CSE1L: variants seen among roughly 807,000 people sequenced by gnomAD.
The protein encoded by CSE1L is exportin-2.
A neutral mutation model predicts 120.4 loss-of-function variants in CSE1L; 24 were observed. That is an observed-to-expected ratio of 0.20 (90% CI 0.14 to 0.28). CSE1L has a LOEUF of 0.28. Ranked by LOEUF, CSE1L falls within the 10% of genes least tolerant of loss-of-function variation. The pLI, the probability that CSE1L is intolerant of heterozygous loss-of-function variation, is 1.00. For missense variants in CSE1L, 830 were observed against 1,145.2 expected, an observed-to-expected ratio of 0.72 and a Z score of 3.97; for synonymous variants, 402 against 398.3, an observed-to-expected ratio of 1.01 and a Z score of -0.11.
Position 49,089,709 on chromosome 20 carries a change from G to T in CSE1L, c.2144G>T (p.Gly715Val), listed in dbSNP as rs562649816. 10 of 1,614,182 alleles carry T rather than the reference G, an allele frequency of 6.2e-6. No individual in the cohort carries two copies. The South Asian group carries it at 1.1e-4, about 18-fold the overall frequency. ...CTTCTTCAAGCATTCTTAGAACGCG[G>T]TTCAAACACAATAGCAAGTGCTGCA... ...VRLLQAFLER[G>V]SNTIASAAAD... The change falls in exon 19 of 25, where the codon GGT (glycine) becomes GTT (valine). Residue 715 changes from glycine (G) to valine (V), a missense_variant. This residue lies in a region of CSE1L where 168 missense variants were observed against 267.9 expected (regional missense o/e 0.63). Transcript: ENST00000262982.
intron 16 of CSE1L, among the ~76,000 whole-genome samples, chr20:49,087,492 G>T (rs994493576): frequency 1.8e-4 from 28 of 151,666 alleles, no homozygotes; most frequent in Admixed American, 6.6e-5. Flanking sequence ...CGAGTAGCTG[G>T]GACTACAGAC....
At chr20:49,081,924 C>T (rs1424024311) in intron 14 of CSE1L, among the ~76,000 whole-genome samples, 3 of 152,164 alleles carry the variant, frequency 2.0e-5, no homozygotes, top group African/African-American at 4.8e-5. Context: ...TGTATACATA[C>T]ATATACAATG....
At position 49,089,658 on chromosome 20, in the gene CSE1L, C is replaced by G. The variant is rs1195131436; in HGVS notation, c.2093C>G (p.Thr698Arg). 2 of 1,614,040 alleles carry G rather than the reference C, an allele frequency of 1.2e-6. No individual in the cohort carries two copies. The highest frequency in any genetic ancestry group is 1.7e-6 in the Non-Finnish European group (2 of 1,180,030). Residue 698 changes from threonine to arginine, a missense_variant, in exon 19 of 25, where the codon ACA becomes AGA. Coordinates refer to ENST00000262982, the MANE Select transcript of CSE1L (RefSeq NM_001316.4). ...HLLQPVLWER[T>R]GNIPALVRLL... ...CTTCAGCCAGTGCTTTGGGAAAGAA[C>G]AGGAAATATTCCTGCTCTAGTGAGG...
chr20:49,080,250 T>TG (rs1351850633), intron 14 of CSE1L, among the ~76,000 whole-genome samples: 1 of 150,478 alleles, frequency 6.6e-6, no homozygotes, highest in Non-Finnish European at 1.5e-5. Context: ...CTGGTTGTTT[T>TG]GTTTTTTTTT....
chr20:49,055,136 C>T (rs2091796496), intron 1 of CSE1L, among the ~76,000 whole-genome samples: 1 of 152,202 alleles, frequency 6.6e-6, no homozygotes, highest in South Asian at 2.1e-4. Flanking sequence ...GGGTAGCACC[C>T]TGTAATCAAA....
At chr20:49,095,064 TAAAAC>T (rs1320848049) in intron 24 of CSE1L, 101 bp downstream of exon 24, 2 of 882,902 alleles carry the variant, frequency 2.3e-6, no homozygotes, top group Non-Finnish European at 3.6e-6. Flanking sequence ...GTGGGCGTAA[TAAAAC>T]TAAATCTCAT....
intron 21 of CSE1L, among the ~76,000 whole-genome samples, chr20:49,091,551 T>C (rs1033179202): frequency 5.9e-5 from 9 of 152,150 alleles, no homozygotes; most frequent in African/African-American, 2.2e-4. Flanking sequence ...CTGGGCAACA[T>C]GGTAAGACCC....
At chr20:49,054,614 T>C (rs920707292) in intron 1 of CSE1L, among the ~76,000 whole-genome samples, 3 of 152,242 alleles carry the variant, frequency 2.0e-5, no homozygotes, top group Non-Finnish European at 4.4e-5. Flanking sequence ...ATAAATGATA[T>C]GAAGCCTATG....
At chr20:49,069,812 G>T (rs1244601422) in intron 7 of CSE1L, among the ~76,000 whole-genome samples, 1 of 152,208 alleles carries the variant, frequency 6.6e-6, no homozygotes, top group Non-Finnish European at 1.5e-5. Flanking sequence ...TATGCCACAA[G>T]AAATCAGTAA....
rs776987379 is a variant in CSE1L at position 49,068,691 on chromosome 20, C to A, written c.568-24C>A. On this transcript the variant is annotated intron_variant, in intron 6 of 24. Coordinates refer to ENST00000262982, the MANE Select transcript of CSE1L (RefSeq NM_001316.4). ...TGCTGGGTTTATGATGCACTAAAAC[C>A]ATGTTGCTAAATTCCTTTCCAAGGC... The A allele has an allele frequency of 9.9e-6, 15 of 1,520,964 alleles. No homozygotes were observed. In the Admixed American group the frequency reaches 2.3e-4, roughly 24 times the overall value. The allele number at this position is 1,520,964 out of a possible 1,614,324, so 94.2% of individuals were successfully genotyped here. A position where few individuals can be genotyped will look rare whatever the true frequency, so the allele number is the denominator to read the frequency against.
At chr20:49,062,485 A>C (rs1440772233) in intron 2 of CSE1L, among the ~76,000 whole-genome samples, 1 of 152,218 alleles carries the variant, frequency 6.6e-6, no homozygotes, top group East Asian at 1.9e-4. Flanking sequence ...ATCTGGGTTG[A>C]AAATCTATTG....
intron 13 of CSE1L, 126 bp downstream of exon 13, chr20:49,077,190 T>TA (rs1283079084): frequency 1.7e-6 from 1 of 586,078 alleles, no homozygotes; most frequent in Non-Finnish European, 2.9e-6. Flanking sequence ...GATGGTGTCT[T>TA]ACTCTGTTAC....
At chr20:49,094,395 C>G in intron 23 of CSE1L, 109 bp downstream of exon 23, 1 of 1,027,194 alleles carries the variant, frequency 9.7e-7, no homozygotes, top group Non-Finnish European at 1.5e-6. Context: ...GGTCTGATCT[C>G]AGCTTCTCCA....
At chr20:49,061,887 C>T (rs970318797) in intron 2 of CSE1L, among the ~76,000 whole-genome samples, 3 of 151,964 alleles carry the variant, frequency 2.0e-5, no homozygotes, top group Non-Finnish European at 2.9e-5. Context: ...TCTGGTATTT[C>T]TGGGAAGTTA....
In CSE1L at chr20:49,089,699, T is replaced by C. The variant is rs2092086173; in HGVS notation, c.2134T>C (p.Leu712=). ...PALVRLLQAF[L]ERGSNTIASA... ...TCTAGTGAGGCTTCTTCAAGCATTC[T>C]TAGAACGCGGTTCAAACACAATAGC... is the stretch of plus-strand genomic sequence containing the variant. Residue 712 remains leucine (L), a synonymous_variant, in exon 19 of 25, where the codon TTA becomes CTA. Transcript: ENST00000262982. 1.1e-5 allele frequency: 18 copies of C among 1,614,236 alleles called. No homozygotes were observed. The highest frequency in any genetic ancestry group is 4.5e-5 in the East Asian group (2 of 44,888).
intron 1 of CSE1L, among the ~76,000 whole-genome samples, chr20:49,047,245 G>A (rs1000692988): frequency 1.3e-5 from 2 of 152,018 alleles, no homozygotes; most frequent in African/African-American, 4.8e-5. Flanking sequence ...CTGCAAAATG[G>A]GGTTAATAAC....
At position 49,058,689 on chromosome 20, in the gene CSE1L, GC is replaced by G. The variant is rs371482865; in HGVS notation, c.85+142del. ...AGCGTAGTTTATAAGTGTTACAGCT[GC>G]TATACCATGGTGTGTTGTTTCTTTT... On this transcript the variant is annotated intron_variant, in intron 2 of 24. Coordinates refer to ENST00000262982, the MANE Select transcript of CSE1L (RefSeq NM_001316.4). 3.6e-4 allele frequency: 208 copies of G among 570,938 alleles called. 4 individuals are homozygous for G. In the South Asian group the frequency reaches 5.4e-3, roughly 15 times the overall value. The allele number at this position is 570,938 out of a possible 1,614,324, so 35.4% of individuals were successfully genotyped here.
chr20:49,082,575 A>G (rs2092021927), intron 14 of CSE1L, among the ~76,000 whole-genome samples: 1 of 150,974 alleles, frequency 6.6e-6, no homozygotes, highest in African/African-American at 2.4e-5. Context: ...CAAGTCATGC[A>G]GTGGCACGAT....
intron 21 of CSE1L, among the ~76,000 whole-genome samples, chr20:49,091,282 A>G (rs957635876): frequency 2.0e-5 from 3 of 150,574 alleles, no homozygotes; most frequent in African/African-American, 7.4e-5. Flanking sequence ...AAAATTAGCC[A>G]GGCATGGTGG....
Sources: gnomAD v4.1 joint callset for allele counts (sites outside exome capture counted in the v4.1 genomes callset) on GRCh38, gnomAD v4.1.1 for gene constraint, gnomAD v4.1.1 regional missense constraint, MANE v1.5 for transcripts, NCBI Gene and HGNC (gene_info 2026-07-23, HGNC 2026-07-21) for gene names.